The following STK3 variants were observed in gnomAD, a reference collection of about 807,000 sequenced individuals.
STK3 encodes the protein serine/threonine-protein kinase 3.
A neutral mutation model predicts 58.0 loss-of-function variants in STK3; 41 were observed. That is an observed-to-expected ratio of 0.71 (90% CI 0.55 to 0.92). The LOEUF (loss-of-function observed/expected upper bound fraction) is 0.92, where lower values mean the gene tolerates loss of function less well. STK3 is among the 40% of genes least tolerant of loss of function. The pLI is 0.00. For missense variants in STK3, 479 were observed against 602.7 expected (o/e 0.79, Z 2.15); for synonymous variants, 170 against 191.0 (o/e 0.89, Z 0.91).
At chr8:98,745,714 A>G (rs1829595085) in intron 4 of STK3, among the ~76,000 whole-genome samples, 1 of 152,148 alleles carries the variant, frequency 6.6e-6, no homozygotes. Context: ...CAAAGACTGG[A>G]AATCAAAACC....
At chr8:98,710,854 C>G (rs762200058) in intron 4 of STK3, among the ~76,000 whole-genome samples, 1 of 152,250 alleles carries the variant, frequency 6.6e-6, no homozygotes, top group Non-Finnish European at 1.5e-5. Flanking sequence ...AAGTGGGTCA[C>G]TGACCCCCAA....
At chr8:98,380,087 C>T (rs891287313) in intron 1 of STK3, among the ~76,000 whole-genome samples, 1 of 152,146 alleles carries the variant, frequency 6.6e-6, no homozygotes, top group Non-Finnish European at 1.5e-5. Context: ...TATGAGGTAT[C>T]TAAAATAGTC....
intron 1 of STK3, among the ~76,000 whole-genome samples, chr8:98,439,826 G>A (rs1818627324): frequency 6.6e-6 from 1 of 152,142 alleles, no homozygotes; most frequent in Non-Finnish European, 1.5e-5. Flanking sequence ...TCTGCATACC[G>A]ATTCAGCCCT....
intron 1 of STK3, among the ~76,000 whole-genome samples, chr8:98,890,917 T>C (rs903369098): frequency 6.6e-6 from 1 of 152,214 alleles, no homozygotes; most frequent in Admixed American, 6.5e-5. Context: ...AAGAACGATA[T>C]CATTTTATCG....
At chr8:98,440,391 T>C (rs918224509) in intron 1 of STK3, among the ~76,000 whole-genome samples, 5 of 152,234 alleles carry the variant, frequency 3.3e-5, no homozygotes, top group African/African-American at 7.2e-5. Flanking sequence ...TTTAAGTGTC[T>C]AGTTTGTTGG....
At chr8:98,404,038 A>C (rs1476578517) in intron 3 of STK3, among the ~76,000 whole-genome samples, 1 of 152,370 alleles carries the variant, frequency 6.6e-6, no homozygotes, top group East Asian at 1.9e-4. Flanking sequence ...TGCATAATTC[A>C]GAGGTCAGCC....
chr8:98,362,977 C>T, the STK3 span, among the ~76,000 whole-genome samples: 1 of 152,166 alleles, frequency 6.6e-6, no homozygotes. Context: ...AGCTTTGACA[C>T]AATCATTATC....
At chr8:98,459,932 A>T (rs1328325781) in intron 10 of STK3, among the ~76,000 whole-genome samples, 2 of 152,238 alleles carry the variant, frequency 1.3e-5, no homozygotes, top group African/African-American at 4.8e-5. Flanking sequence ...CTGGTAGGGC[A>T]GTGTGGAAGG....
intron 3 of STK3, among the ~76,000 whole-genome samples, chr8:98,763,384 A>C (rs1830750511): frequency 6.6e-6 from 1 of 152,220 alleles, no homozygotes; most frequent in Non-Finnish European, 1.5e-5. Flanking sequence ...TAAAATGAAC[A>C]AAAAAAGATT....
intron 4 of STK3, among the ~76,000 whole-genome samples, chr8:98,747,878 G>A (rs1246152778): frequency 1.3e-5 from 2 of 152,138 alleles, no homozygotes; most frequent in African/African-American, 4.8e-5. Context: ...TCCCCAACAT[G>A]CTCAGTGGAC....
rs968318149 is a variant in STK3 at position 98,695,961 on chromosome 8, G to C, written c.684+10506C>G. On this transcript the variant is annotated intron_variant, in intron 6 of 10. Coordinates refer to ENST00000419617, the MANE Select transcript of STK3 (RefSeq NM_006281.4). ...TCTATAAATTACCTTGGGCAGTATG[G>C]CCATTTTCACGATATTGATTCTTCC... is the stretch of plus-strand genomic sequence containing the variant. Among the ~76,000 whole-genome samples, 68 of 152,000 alleles carry C rather than the reference G, an allele frequency of 4.5e-4. 1 individual carries two copies. The highest frequency in any genetic ancestry group is 5.9e-4 in the Non-Finnish European group (40 of 68,000).
chr8:98,478,271 C>CT (rs968943398), intron 10 of STK3, among the ~76,000 whole-genome samples: 1 of 152,142 alleles, frequency 6.6e-6, no homozygotes, highest in African/African-American at 2.4e-5. Flanking sequence ...TACTCAAACT[C>CT]TTTTTCTTAA....
At chr8:98,715,105 T>A (rs1206125417) in intron 4 of STK3, among the ~76,000 whole-genome samples, 8 of 151,638 alleles carry the variant, frequency 5.3e-5, no homozygotes, top group Non-Finnish European at 1.2e-4. Context: ...CTGGATCCCT[T>A]CCTTACACCT....
chr8:98,690,235 GA>G (rs950463405), intron 6 of STK3, among the ~76,000 whole-genome samples: 1 of 151,706 alleles, frequency 6.6e-6, no homozygotes, highest in African/African-American at 2.4e-5. Context: ...ATATAAATAG[GA>G]AAAAAAGAAG....
intron 8 of STK3, among the ~76,000 whole-genome samples, chr8:98,552,763 C>T (rs938777051): frequency 2.6e-5 from 4 of 152,062 alleles, no homozygotes; most frequent in Non-Finnish European, 5.9e-5. Flanking sequence ...ACTGTTTTAA[C>T]CTCTGAATCC....
intron 6 of STK3, among the ~76,000 whole-genome samples, chr8:98,632,182 A>G (rs1331979636): frequency 6.6e-6 from 1 of 152,250 alleles, no homozygotes; most frequent in Admixed American, 6.5e-5. Context: ...CTGGATCACT[A>G]GTGGTAATAT....
At chr8:98,688,152 G>A (rs1357337914) in intron 6 of STK3, among the ~76,000 whole-genome samples, 2 of 151,996 alleles carry the variant, frequency 1.3e-5, no homozygotes, top group Non-Finnish European at 2.9e-5. Flanking sequence ...TTAAACAAAC[G>A]ACTGTAAAAA....
intron 1 of STK3, among the ~76,000 whole-genome samples, chr8:98,806,110 C>T (rs767249885): frequency 4.6e-4 from 70 of 152,128 alleles, no homozygotes; most frequent in Non-Finnish European, 7.8e-4. Context: ...AATATGAATT[C>T]CATAAAGATA....
chr8:98,920,699 C>G (rs946693524), intron 1 of STK3, among the ~76,000 whole-genome samples: 8 of 151,894 alleles, frequency 5.3e-5, no homozygotes, highest in African/African-American at 1.9e-4. Context: ...TGCTCCTGTG[C>G]TGGCCTACAG....
Sources: allele counts gnomAD v4.1 joint callset (sites outside exome capture counted in the v4.1 genomes callset), GRCh38; gene constraint gnomAD v4.1.1; transcripts MANE v1.5; gene names NCBI Gene and HGNC (gene_info 2026-07-23, HGNC 2026-07-21).